The following FOXP1 variants were observed in gnomAD, a reference collection of about 807,000 sequenced individuals.
FOXP1 encodes the protein forkhead box P1.
FOXP1 carries 15 observed loss-of-function variants against 98.2 expected under a neutral mutation model. That is an observed-to-expected ratio of 0.15 (90% CI 0.10 to 0.24). FOXP1 has a LOEUF of 0.24. Among genes scored for constraint, FOXP1 ranks in the 10% least tolerant of loss-of-function variants. The probability of loss-of-function intolerance (pLI) is 1.00; values close to 1 mark genes in which losing one functional copy is unlikely to be tolerated. For synonymous variants in FOXP1, 371 were observed against 314.5 expected, an observed-to-expected ratio of 1.18 and a Z score of -1.90; for missense variants, 633 against 848.5, an observed-to-expected ratio of 0.75 and a Z score of 3.15.
rs2032029099 is a variant in FOXP1 at position 70,957,164 on chromosome 3, T to G, written c.*2083A>C. On this transcript the variant is annotated 3_prime_UTR_variant, in exon 21 of 21. Transcript: ENST00000649528. ...CAGTGGCATACATTCATTTTTTTTT[T>G]GAGATGGGACTCCCTTCCTTCTGTA... is the stretch of plus-strand genomic sequence containing the variant. The G allele has an allele frequency of 9.0e-6, 2 of 223,236 alleles. No individual in the cohort carries two copies. The highest frequency in any genetic ancestry group is 9.0e-6 in the Non-Finnish European group (1 of 111,658). The allele number at this position is 223,236 out of a possible 1,614,324, so 13.8% of individuals were successfully genotyped here. A position where few individuals can be genotyped will look rare whatever the true frequency, so the allele number is the denominator to read the frequency against.
At chr3:71,310,161 G>C (rs552140417) in intron 4 of FOXP1, among the ~76,000 whole-genome samples, 6 of 152,222 alleles carry the variant, frequency 3.9e-5, no homozygotes, top group Middle Eastern at 3.4e-3. Context: ...TTATTTTCCC[G>C]TGTGCTAGCA....
chr3:71,117,936 AT>A (rs2058493803), intron 6 of FOXP1, among the ~76,000 whole-genome samples: 1 of 152,164 alleles, frequency 6.6e-6, no homozygotes, highest in African/African-American at 2.4e-5. Flanking sequence ...ATTCACATTT[AT>A]TTTCCTTCAA....
intron 6 of FOXP1, among the ~76,000 whole-genome samples, chr3:71,159,889 G>A (rs531550376): frequency 6.6e-6 from 1 of 152,208 alleles, no homozygotes; most frequent in South Asian, 2.1e-4. Context: ...ACACAGTTAC[G>A]CTCATAAGAA....
intron 5 of FOXP1, among the ~76,000 whole-genome samples, chr3:71,242,468 C>A (rs1395769357): frequency 1.3e-5 from 2 of 152,198 alleles, no homozygotes; most frequent in Non-Finnish European, 2.9e-5. Flanking sequence ...TCAGGAGGTA[C>A]AGCTAGCTAT....
chr3:71,141,704 G>C (rs930921002), intron 6 of FOXP1, among the ~76,000 whole-genome samples: 1 of 152,142 alleles, frequency 6.6e-6, no homozygotes, highest in African/African-American at 2.4e-5. Flanking sequence ...CTACAGTCTA[G>C]CAGGAGATAG....
chr3:70,977,262 G>A (rs1379490106), intron 16 of FOXP1, among the ~76,000 whole-genome samples: 2 of 152,048 alleles, frequency 1.3e-5, no homozygotes, highest in Non-Finnish European at 2.9e-5. Flanking sequence ...TTTCCGTACA[G>A]AAATATTAAT....
chr3:71,412,803 C>T (rs1245605116), intron 3 of FOXP1, among the ~76,000 whole-genome samples: 3 of 152,062 alleles, frequency 2.0e-5, no homozygotes, highest in South Asian at 4.2e-4. Flanking sequence ...TAAAACAACT[C>T]GTAATGCATA....
intron 5 of FOXP1, among the ~76,000 whole-genome samples, chr3:71,272,482 A>C (rs1275954196): frequency 6.6e-6 from 1 of 152,052 alleles, no homozygotes; most frequent in African/African-American, 2.4e-5. Flanking sequence ...CAAGTAACAG[A>C]AGATGGCCTC....
At chr3:71,463,637 T>G (rs79141071) in intron 3 of FOXP1, among the ~76,000 whole-genome samples, 1 of 152,266 alleles carries the variant, frequency 6.6e-6, no homozygotes, top group Non-Finnish European at 1.5e-5. Flanking sequence ...TACTTTCAAT[T>G]AATGCCTGTA....
intron 2 of FOXP1, among the ~76,000 whole-genome samples, chr3:71,568,884 T>A (rs1378492905): frequency 6.6e-6 from 1 of 152,160 alleles, no homozygotes; most frequent in Non-Finnish European, 1.5e-5. Context: ...TGACCTCAGG[T>A]GATCCACCCG....
chr3:70,976,225 A>C (rs536484531), intron 17 of FOXP1, among the ~76,000 whole-genome samples: 1 of 151,036 alleles, frequency 6.6e-6, no homozygotes, highest in East Asian at 1.9e-4. Context: ...TAATTCATTG[A>C]ATTTTTTTTG....
At chr3:71,249,008 G>T (rs2067980689) in intron 5 of FOXP1, among the ~76,000 whole-genome samples, 1 of 152,226 alleles carries the variant, frequency 6.6e-6, no homozygotes, top group Non-Finnish European at 1.5e-5. Flanking sequence ...CCCAGCCCCA[G>T]CACTTTCTGA....
chr3:71,171,667 T>G (rs1021521541), intron 6 of FOXP1, among the ~76,000 whole-genome samples: 1 of 152,242 alleles, frequency 6.6e-6, no homozygotes, highest in Non-Finnish European at 1.5e-5. Flanking sequence ...CTGTCCTTCA[T>G]ACTTGCAACC....
At chr3:71,504,840 C>G (rs1374270982) in intron 2 of FOXP1, among the ~76,000 whole-genome samples, 1 of 152,204 alleles carries the variant, frequency 6.6e-6, no homozygotes. Flanking sequence ...TGGATATTCT[C>G]CTGGGTACTT....
chr3:71,022,109 G>T (rs1267034458), intron 11 of FOXP1, among the ~76,000 whole-genome samples: 1 of 152,028 alleles, frequency 6.6e-6, no homozygotes, highest in Non-Finnish European at 1.5e-5. Flanking sequence ...TAAGCCTATG[G>T]TCTGTTTTAA....
At chr3:71,336,130 A>G (rs2076662114) in intron 4 of FOXP1, among the ~76,000 whole-genome samples, 1 of 150,760 alleles carries the variant, frequency 6.6e-6, no homozygotes, top group African/African-American at 2.4e-5. Flanking sequence ...AGGACAGAGG[A>G]GCGAATGCAA....
At chr3:71,505,666 T>C (rs1156842249) in intron 2 of FOXP1, among the ~76,000 whole-genome samples, 1 of 152,050 alleles carries the variant, frequency 6.6e-6, no homozygotes. Context: ...ACCTCATGAT[T>C]TGCCTGCCTC....
At chr3:71,434,908 AAC>A (rs1034688806) in intron 3 of FOXP1, among the ~76,000 whole-genome samples, 1 of 151,966 alleles carries the variant, frequency 6.6e-6, no homozygotes, top group African/African-American at 2.4e-5. Flanking sequence ...CTGACCGCCA[AAC>A]AGTTTAAAGC....
chr3:71,553,128 T>C (rs576420297), intron 2 of FOXP1, among the ~76,000 whole-genome samples: 1 of 152,242 alleles, frequency 6.6e-6, no homozygotes, highest in East Asian at 1.9e-4. Context: ...GTTCCACAGG[T>C]ACTAGAGTTA....
Sources: allele counts gnomAD v4.1 joint callset (sites outside exome capture counted in the v4.1 genomes callset), GRCh38; gene constraint gnomAD v4.1.1; transcripts MANE v1.5; gene names NCBI Gene and HGNC (gene_info 2026-07-23, HGNC 2026-07-21).